The following SLC35F4 variants were observed in gnomAD, a reference collection of about 807,000 sequenced individuals.
SLC35F4 encodes solute carrier family 35 member F4, also known as chromosome 14 open reading frame 36.
A neutral mutation model predicts 44.2 loss-of-function variants in SLC35F4; 24 were observed. The observed-to-expected ratio is 0.54, with a 90% CI of 0.39 to 0.76. SLC35F4 has a LOEUF of 0.76. SLC35F4 is among the 30% of genes least tolerant of loss of function. SLC35F4 has a pLI of 0.00. For synonymous variants in SLC35F4, 238 were observed against 223.6 expected (o/e 1.06, Z -0.57); for missense variants, 562 against 586.1 (o/e 0.96, Z 0.42).
intron 1 of SLC35F4, among the ~76,000 whole-genome samples, chr14:57,748,197 T>A (rs1262296720): frequency 6.6e-6 from 1 of 152,172 alleles, no homozygotes; most frequent in East Asian, 1.9e-4. Context: ...TCTTGAGTTT[T>A]TCACTGGTAG....
chr14:57,610,593 T>C (rs897676398), intron 1 of SLC35F4, among the ~76,000 whole-genome samples: 2 of 152,204 alleles, frequency 1.3e-5, no homozygotes, highest in African/African-American at 4.8e-5. Context: ...TCACTTTGTC[T>C]CACAATTTTA....
chr14:57,941,468 G>T (rs929254817), intron 1 of SLC35F4, among the ~76,000 whole-genome samples: 1 of 152,198 alleles, frequency 6.6e-6, no homozygotes, highest in Admixed American at 6.5e-5. Context: ...CCATTTATAT[G>T]AAATTTTGAG....
chr14:57,669,718 C>T (rs2074448539), intron 1 of SLC35F4, among the ~76,000 whole-genome samples: 1 of 152,018 alleles, frequency 6.6e-6, no homozygotes, highest in Admixed American at 6.6e-5. Flanking sequence ...TGATGTGCTG[C>T]TGGATTCGGT....
intron 1 of SLC35F4, among the ~76,000 whole-genome samples, chr14:57,615,356 C>CTTTCA (rs1555361289): frequency 4.8e-5 from 1 of 20,998 alleles, no homozygotes; most frequent in Non-Finnish European, 1.7e-4. Flanking sequence ...AAACATTTTC[C>CTTTCA]TTTTTTTTTT....
At chr14:57,686,591 T>C (rs1020755711) in intron 1 of SLC35F4, among the ~76,000 whole-genome samples, 7 of 152,192 alleles carry the variant, frequency 4.6e-5, no homozygotes, top group Admixed American at 4.6e-4. Flanking sequence ...CGGGCAAGCA[T>C]GCAGTTAGAA....
chr14:57,723,104 C>T (rs2076123398), intron 1 of SLC35F4, among the ~76,000 whole-genome samples: 2 of 152,154 alleles, frequency 1.3e-5, no homozygotes, highest in African/African-American at 2.4e-5. Flanking sequence ...GGACCCAAAA[C>T]ATCATTGTGG....
At chr14:57,958,581 A>T (rs1890285006) in intron 1 of SLC35F4, among the ~76,000 whole-genome samples, 1 of 151,960 alleles carries the variant, frequency 6.6e-6, no homozygotes, top group Non-Finnish European at 1.5e-5. Flanking sequence ...GGTGGTGGTG[A>T]TGGTTGAATA....
chr14:57,911,687 C>A (rs141728866), intron 1 of SLC35F4, among the ~76,000 whole-genome samples: 245 of 152,040 alleles, frequency 1.6e-3, no homozygotes, highest in Non-Finnish European at 2.9e-3. Context: ...ATTCAATTTG[C>A]TATTATTTTA....
rs978807750 is a variant in SLC35F4, at chr14:57,622,146, A to G, written c.104-28022T>C. The stretch of plus-strand genomic sequence containing the variant: ...CCATCTCACACAAGTTAGAATGGCA[A>G]TCATTAAAAAGTCAGGAAACAACAG... On this transcript the variant is annotated intron_variant, in intron 1 of 7. Coordinates refer to ENST00000556826, the MANE Select transcript of SLC35F4 (RefSeq NM_001306087.2). 1.4e-3 allele frequency among the ~76,000 whole-genome samples: 131 copies of G among 92,330 alleles called. 2 individuals are homozygous for G. The highest frequency in any genetic ancestry group is 5.7e-3 in the Middle Eastern group (1 of 176). The allele number at this position is 92,330 out of a possible 152,430, so 60.6% of individuals were successfully genotyped here. A position where few individuals can be genotyped will look rare whatever the true frequency, so the allele number is the denominator to read the frequency against.
chr14:57,762,855 A>G (rs965766422), intron 1 of SLC35F4, among the ~76,000 whole-genome samples: 2 of 152,126 alleles, frequency 1.3e-5, no homozygotes, highest in African/African-American at 2.4e-5. Context: ...TATGTTACTC[A>G]GTCTGTGGTA....
intron 1 of SLC35F4, among the ~76,000 whole-genome samples, chr14:57,767,414 CTAAA>C (rs1383550515): frequency 6.6e-6 from 1 of 152,106 alleles, no homozygotes; most frequent in East Asian, 1.9e-4. Flanking sequence ...GACATAATCT[CTAAA>C]TATGTGGACA....
chr14:57,599,396 C>T (rs940855058), intron 1 of SLC35F4, among the ~76,000 whole-genome samples: 1 of 152,126 alleles, frequency 6.6e-6, no homozygotes, highest in Non-Finnish European at 1.5e-5. Flanking sequence ...GTTGGGTAAC[C>T]TATAGTTTTA....
At chr14:57,805,287 T>C (rs1881176446) in intron 1 of SLC35F4, among the ~76,000 whole-genome samples, 1 of 152,140 alleles carries the variant, frequency 6.6e-6, no homozygotes, top group Non-Finnish European at 1.5e-5. Flanking sequence ...CCCAAAGGAA[T>C]AGAAATCATT....
chr14:57,587,553 T>TA (rs955039070), intron 3 of SLC35F4, among the ~76,000 whole-genome samples: 40 of 152,188 alleles, frequency 2.6e-4, no homozygotes, highest in Admixed American at 1.2e-3. Flanking sequence ...TCTCACTCAT[T>TA]AGTGGGAGTT....
intron 1 of SLC35F4, among the ~76,000 whole-genome samples, chr14:57,638,811 C>G (rs1221636537): frequency 6.6e-6 from 1 of 152,064 alleles, no homozygotes; most frequent in African/African-American, 2.4e-5. Flanking sequence ...AAGGAACCAC[C>G]TCTCTTCCAC....
At chr14:57,630,197 G>C (rs2072696877) in intron 1 of SLC35F4, 2 of 564,136 alleles carry the variant, frequency 3.5e-6, no homozygotes, top group Non-Finnish European at 7.1e-6. Context: ...TGAAAGCCAA[G>C]GAAGGGAAGA....
Position 57,978,952 on chromosome 14 carries a change from C to T in SLC35F4, n.152-1995G>A, listed in dbSNP as rs146571073. On this transcript the variant is annotated intron_variant and non_coding_transcript_variant, in intron 1 of 1. Transcript: ENST00000554648. ...TTGCCAGAAAGAGCAAGGTTGCTACCATACAATGGGAGCATGAAGGAGTAT... is the reference window on the plus strand; with the variant it reads ...TTGCCAGAAAGAGCAAGGTTGCTACTATACAATGGGAGCATGAAGGAGTAT... Among the ~76,000 whole-genome samples the T allele has an allele frequency of 9.5e-4, 145 of 152,280 alleles. 1 individual carries two copies. Among genetic ancestry groups the T allele is most frequent in the South Asian group, 2.7e-3 (13 of 4,824 alleles).
intron 1 of SLC35F4, among the ~76,000 whole-genome samples, chr14:57,892,272 T>G (rs1331134727): frequency 1.3e-5 from 2 of 152,190 alleles, no homozygotes; most frequent in African/African-American, 2.4e-5. Context: ...ATTAAATGTG[T>G]ACACTGGACT....
intron 1 of SLC35F4, among the ~76,000 whole-genome samples, chr14:57,735,819 C>A (rs1014209140): frequency 3.3e-5 from 5 of 151,866 alleles, no homozygotes; most frequent in African/African-American, 1.2e-4. Flanking sequence ...AACTCCTGGG[C>A]TCAAGCAATT....
Sources: gnomAD v4.1 joint callset for allele counts (sites outside exome capture counted in the v4.1 genomes callset) on GRCh38, gnomAD v4.1.1 for gene constraint, MANE v1.5 for transcripts, NCBI Gene and HGNC (gene_info 2026-07-23, HGNC 2026-07-21) for gene names.